The following DLG2 variants were observed in gnomAD, a reference collection of about 807,000 sequenced individuals.
DLG2 encodes the protein discs large MAGUK scaffold protein 2.
In DLG2, 45 loss-of-function variants were observed where a neutral mutation model predicts 132.5. That is an observed-to-expected ratio of 0.34 (90% CI 0.27 to 0.44). The LOEUF is 0.44. Ranked by LOEUF, DLG2 falls within the 20% of genes least tolerant of loss-of-function variation. DLG2 has a pLI of 1.00. For synonymous variants in DLG2, 424 were observed against 419.6 expected (o/e 1.01, Z -0.13); for missense variants, 1,045 against 1,196.9 (o/e 0.87, Z 1.87).
At chr11:84,835,108 T>G (rs1202898682) in intron 6 of DLG2, among the ~76,000 whole-genome samples, 1 of 151,674 alleles carries the variant, frequency 6.6e-6, no homozygotes, top group Non-Finnish European at 1.5e-5. Flanking sequence ...ACAGAAACAC[T>G]GAAGATACCC....
intron 17 of DLG2, 86 bp downstream of exon 17, chr11:83,833,528 G>A (rs984159843): frequency 3.3e-5 from 46 of 1,379,166 alleles, no homozygotes; most frequent in Middle Eastern, 4.0e-4. Context: ...TAATTAAGGT[G>A]CTTTTGGTAT....
rs116633807 is a variant in DLG2, at chr11:83,830,296, T to C, written c.1722+3318A>G. 2.1e-3 allele frequency among the ~76,000 whole-genome samples: 317 copies of C among 152,346 alleles called. 2 individuals carry two copies. Among genetic ancestry groups the C allele is most frequent in the African/African-American group, 6.3e-3 (261 of 41,588 alleles). On this transcript the variant is annotated intron_variant, in intron 17 of 27. Transcript: ENST00000376104. Reference sequence around the variant, plus strand: ...ATTTACTGTGTGGTCCTGGTAATAATATTTAAATGGATAAATCTATTTTTG... The same window carrying C: ...ATTTACTGTGTGGTCCTGGTAATAACATTTAAATGGATAAATCTATTTTTG...
intron 6 of DLG2, among the ~76,000 whole-genome samples, chr11:84,755,377 G>A (rs2066721455): frequency 6.6e-6 from 1 of 152,164 alleles, no homozygotes; most frequent in African/African-American, 2.4e-5. Context: ...TGGGCCTGTG[G>A]TTCTGGACAC....
chr11:83,580,897 TCCCC>T (rs1256251030), intron 19 of DLG2, among the ~76,000 whole-genome samples: 6 of 73,896 alleles, frequency 8.1e-5, no homozygotes, highest in Admixed American at 2.3e-4. Flanking sequence ...TCCCCTCCCT[TCCCC>T]TCCCCTCCCC....
In DLG2 at chr11:85,140,319, T is replaced by A. The variant is rs547114399; in HGVS notation, c.282+14237A>T. ...CCATTTCTCCACATCATCACCAACA[T>A]TTGTCATCTTTTGACTTTTATTTAG... On this transcript the variant is annotated intron_variant, in intron 5 of 27. Coordinates refer to ENST00000376104, the MANE Select transcript of DLG2 (RefSeq NM_001142699.3). Among the ~76,000 whole-genome samples, 37 of 152,080 alleles carry A rather than the reference T, an allele frequency of 2.4e-4. 1 individual carries two copies. The highest frequency in any genetic ancestry group is 5.8e-4 in the African/African-American group (24 of 41,546).
chr11:83,555,753 G>A (rs1166087637), intron 19 of DLG2, among the ~76,000 whole-genome samples: 3 of 152,252 alleles, frequency 2.0e-5, no homozygotes, highest in Non-Finnish European at 2.9e-5. Context: ...AGAATTTTGG[G>A]TCTACTTAAA....
rs1213886593 is a variant in DLG2, at chr11:85,532,073, T to C, written c.40+66584A>G. Among the ~76,000 whole-genome samples the C allele has an allele frequency of 2.0e-5, 3 of 152,280 alleles. No individual in the cohort carries two copies. The East Asian group carries it at 5.8e-4, about 29-fold the overall frequency. On this transcript the variant is annotated intron_variant, in intron 3 of 27. Coordinates refer to ENST00000376104, the MANE Select transcript of DLG2 (RefSeq NM_001142699.3). The stretch of plus-strand genomic sequence containing the variant: ...AAAAGTTGTTTAATACATTTAGGTA[T>C]AGTTTATATGCAATAAGAAAAAATA...
intron 3 of DLG2, among the ~76,000 whole-genome samples, chr11:85,436,757 G>A (rs931964713): frequency 1.4e-4 from 22 of 152,078 alleles, no homozygotes; most frequent in African/African-American, 4.3e-4. Context: ...ATTCCTCAAG[G>A]GTCTAGAACC....
intron 7 of DLG2, among the ~76,000 whole-genome samples, chr11:84,476,873 G>A (rs776837976): frequency 1.3e-5 from 2 of 152,264 alleles, no homozygotes; most frequent in African/African-American, 2.4e-5. Flanking sequence ...CATTCAGAGT[G>A]CAGACATATC....
rs537620261 is a variant in DLG2 at position 83,839,975 on chromosome 11, C to G, written c.1566-6205G>C. ...AGTTTCAATCTTCCAAATACATTCT[C>G]CTCCCTAAAATACAAATCAGATCAC... is the stretch of plus-strand genomic sequence containing the variant. On this transcript the variant is annotated intron_variant, in intron 16 of 27. Coordinates refer to ENST00000376104, the MANE Select transcript of DLG2 (RefSeq NM_001142699.3). 2.3e-4 allele frequency among the ~76,000 whole-genome samples: 35 copies of G among 152,284 alleles called. No individual in the cohort carries two copies. In the South Asian group the frequency reaches 6.8e-3, roughly 30 times the overall value.
At chr11:85,498,644 A>G (rs2093724065) in intron 3 of DLG2, among the ~76,000 whole-genome samples, 1 of 152,164 alleles carries the variant, frequency 6.6e-6, no homozygotes, top group African/African-American at 2.4e-5. Context: ...TCAGCACCAC[A>G]TCGCACTTAT....
chr11:85,045,476 C>G (rs1186657992), intron 6 of DLG2, among the ~76,000 whole-genome samples: 2 of 152,054 alleles, frequency 1.3e-5, no homozygotes, highest in African/African-American at 4.8e-5. Context: ...GTGATTCTTC[C>G]TTTCTGTTTT....
At chr11:84,933,230 T>G (rs2048308818) in intron 6 of DLG2, among the ~76,000 whole-genome samples, 1 of 152,208 alleles carries the variant, frequency 6.6e-6, no homozygotes, top group African/African-American at 2.4e-5. Flanking sequence ...GGTCTGTATG[T>G]CTGTTTTGTA....
intron 7 of DLG2, among the ~76,000 whole-genome samples, chr11:84,410,998 T>C (rs904111432): frequency 1.3e-5 from 2 of 152,192 alleles, no homozygotes; most frequent in African/African-American, 4.8e-5. Flanking sequence ...AAACAGTGAC[T>C]GCTAATTTCT....
intron 4 of DLG2, among the ~76,000 whole-genome samples, chr11:85,207,726 G>A (rs1325504816): frequency 6.6e-6 from 1 of 151,994 alleles, no homozygotes; most frequent in Non-Finnish European, 1.5e-5. Flanking sequence ...CTTAGATGAA[G>A]GAGATATTTA....
chr11:83,467,203 A>AT (rs757824124), intron 25 of DLG2, among the ~76,000 whole-genome samples: 1 of 152,186 alleles, frequency 6.6e-6, no homozygotes, highest in Non-Finnish European at 1.5e-5. Flanking sequence ...TGAGGTAGGT[A>AT]TTATCAGCTG....
intron 9 of DLG2, among the ~76,000 whole-genome samples, chr11:84,113,153 A>G (rs1261500713): frequency 6.6e-6 from 1 of 152,180 alleles, no homozygotes; most frequent in Non-Finnish European, 1.5e-5. Flanking sequence ...CACTCACACA[A>G]AAAATTAATT....
chr11:84,297,736 G>A (rs1473367915), intron 7 of DLG2, among the ~76,000 whole-genome samples: 4 of 151,692 alleles, frequency 2.6e-5, no homozygotes, highest in Non-Finnish European at 5.9e-5. Flanking sequence ...TTCCTTCCAT[G>A]CCCCCAGTCT....
At chr11:84,068,016 G>A (rs2096705135) in intron 10 of DLG2, among the ~76,000 whole-genome samples, 3 of 152,066 alleles carry the variant, frequency 2.0e-5, no homozygotes, top group Non-Finnish European at 4.4e-5. Flanking sequence ...CCTGCTTTTG[G>A]GAATGTGGAA....
Sources: allele counts gnomAD v4.1 joint callset (sites outside exome capture counted in the v4.1 genomes callset), GRCh38; gene constraint gnomAD v4.1.1; transcripts MANE v1.5; gene names NCBI Gene and HGNC (gene_info 2026-07-23, HGNC 2026-07-21).